The following MACF1 variants were observed in gnomAD, a reference collection of about 807,000 sequenced individuals.
MACF1 encodes microtubule-actin cross-linking factor 1.
A neutral mutation model predicts 854.8 loss-of-function variants in MACF1; 193 were observed. The observed-to-expected ratio is 0.23, with a 90% CI of 0.20 to 0.25. The LOEUF is 0.25. Among genes scored for constraint, MACF1 ranks in the 10% least tolerant of loss-of-function variants. MACF1 has a pLI of 1.00. For missense variants in MACF1, 7,722 were observed against 8,929.1 expected (o/e 0.86, Z 5.45); for synonymous variants, 3,185 against 3,226.7 (o/e 0.99, Z 0.44).
rs59393084 is a variant in MACF1, at chr1:39,461,791, CA to C, written c.21524-65del. Reference sequence around the variant, plus strand: ...TGGGCGACAGAGCAAGACCTTGTCTCAAAAAAAAAAAAAAAAAAAAAAAAAA... The same window carrying C: ...TGGGCGACAGAGCAAGACCTTGTCTCAAAAAAAAAAAAAAAAAAAAAAAAA... On this transcript the variant is annotated intron_variant, in intron 92 of 100. Coordinates refer to ENST00000564288, the MANE Select transcript of MACF1 (RefSeq NM_001394062.1). The C allele has an allele frequency of 0.1, 35,038 of 349,042 alleles. 113 individuals are homozygous for C. The highest frequency in any genetic ancestry group is 0.15 in the African/African-American group (2,997 of 20,016). 21.6% of individuals were successfully genotyped at this position (349,042 alleles called of 1,614,324 possible).
At chr1:39,234,742 T>G in intron 2 of MACF1, among the ~76,000 whole-genome samples, 1 of 130,864 alleles carries the variant, frequency 7.6e-6, no homozygotes, top group African/African-American at 2.8e-5. Context: ...GCTCCTCACT[T>G]CTCAGACGGG....
intron 2 of MACF1, among the ~76,000 whole-genome samples, chr1:39,163,987 T>C (rs1014108126): frequency 1.3e-5 from 2 of 152,350 alleles, no homozygotes; most frequent in South Asian, 4.1e-4. Context: ...TCCATGTGTA[T>C]ATAATGTTGC....
At chr1:39,248,736 CT>C (rs918723052) in intron 2 of MACF1, among the ~76,000 whole-genome samples, 15 of 151,870 alleles carry the variant, frequency 9.9e-5, no homozygotes, top group African/African-American at 3.6e-4. Context: ...TGAACATCAC[CT>C]TTTTTTTCGA....
chr1:39,468,401 A>T (rs958038622), intron 95 of MACF1, among the ~76,000 whole-genome samples: 2 of 152,234 alleles, frequency 1.3e-5, no homozygotes, highest in Non-Finnish European at 2.9e-5. Context: ...CAAAGAAAAA[A>T]GTATATCAAG....
chr1:39,381,785 G>A (rs891783793), intron 55 of MACF1, among the ~76,000 whole-genome samples, 168 bp from the exon 56 acceptor site: 9 of 152,118 alleles, frequency 5.9e-5, no homozygotes, highest in African/African-American at 1.9e-4. Context: ...AGCCATGATC[G>A]TGCCACTGCT....
At chr1:39,298,016 A>G (rs1241123385) in intron 21 of MACF1, among the ~76,000 whole-genome samples, 2 of 152,134 alleles carry the variant, frequency 1.3e-5, no homozygotes, top group Non-Finnish European at 1.5e-5. Flanking sequence ...AGCTCATTGT[A>G]CTTTCTTTGC....
intron 30 of MACF1, among the ~76,000 whole-genome samples, chr1:39,319,044 G>A (rs1348522010): frequency 6.6e-6 from 1 of 150,774 alleles, no homozygotes; most frequent in East Asian, 1.9e-4. Context: ...TTAGCATTAT[G>A]GTTAAGAGTA....
chr1:39,240,584 CG>C (rs1485781334), intron 2 of MACF1, among the ~76,000 whole-genome samples: 4 of 152,170 alleles, frequency 2.6e-5, no homozygotes, highest in African/African-American at 9.7e-5. Flanking sequence ...CTGCAGCCTC[CG>C]CCACCCGGGT....
In MACF1 at chr1:39,285,103, A is replaced by G; in HGVS notation, c.1152A>G (p.Arg384=). The G allele has an allele frequency of 6.2e-7, 1 of 1,614,168 alleles. No homozygotes were observed. The highest frequency in any genetic ancestry group is 1.1e-5 in the South Asian group (1 of 91,076). ...TTCAGGTGTGGATTGAATTTGGCCGAATTAAACTGCCTCAAGGTTATCACC... is the reference window on the plus strand; with the variant it reads ...TTCAGGTGTGGATTGAATTTGGCCGGATTAAACTGCCTCAAGGTTATCACC... The part of the protein sequence containing the change: ...KLLEVWIEFG[R]IKLPQGYHPN... The change falls in exon 12 of 101, where the codon CGA becomes CGG. Residue 384 remains arginine (R), a synonymous_variant. Coordinates refer to ENST00000564288, the MANE Select transcript of MACF1 (RefSeq NM_001394062.1).
At chr1:39,387,119 C>A in intron 57 of MACF1, 68 bp from the exon 58 acceptor site, 1 of 1,539,654 alleles carries the variant, frequency 6.5e-7, no homozygotes, top group South Asian at 1.2e-5. Flanking sequence ...AGACCGTATA[C>A]TCTCAGCAAA....
chr1:39,429,368 AAGACAATTATGT>A, intron 64 of MACF1, 42 bp downstream of exon 64: 1 of 1,124,868 alleles, frequency 8.9e-7, no homozygotes, highest in Non-Finnish European at 1.3e-6. Flanking sequence ...TATGGTCTCA[AAGACAATTATGT>A]ACCCAAGGAA....
intron 2 of MACF1, among the ~76,000 whole-genome samples, chr1:39,138,550 A>G (rs372714168): frequency 9.0e-4 from 136 of 151,008 alleles, no homozygotes; most frequent in African/African-American, 3.3e-3. Context: ...GCGCCACTGC[A>G]CTCCAGCCTA....
At chr1:39,386,676 C>A (rs1162878131) in intron 57 of MACF1, among the ~76,000 whole-genome samples, 1 of 152,150 alleles carries the variant, frequency 6.6e-6, no homozygotes, top group East Asian at 1.9e-4. Flanking sequence ...GTGATCTGCC[C>A]GCCTTGGCCT....
chr1:39,230,605 A>G (rs1383490970), intron 1 of MACF1, among the ~76,000 whole-genome samples: 1 of 150,456 alleles, frequency 6.6e-6, no homozygotes, highest in African/African-American at 2.4e-5. Context: ...AAACCTGGAG[A>G]AAAAAGGAGT....
intron 2 of MACF1, among the ~76,000 whole-genome samples, chr1:39,094,060 G>A (rs1270805890): frequency 6.6e-6 from 1 of 152,126 alleles, no homozygotes; most frequent in Non-Finnish European, 1.5e-5. Context: ...TTACAGGCGT[G>A]AGCCACGGTG....
At chr1:39,347,293 C>A in intron 41 of MACF1, 83 bp downstream of exon 41, 1 of 1,041,680 alleles carries the variant, frequency 9.6e-7, no homozygotes, top group Non-Finnish European at 1.5e-6. Context: ...CTCTGTGTAT[C>A]ATGATTGCAG....
chr1:39,464,928 T>A, intron 94 of MACF1, 167 bp from the exon 95 acceptor site: 3 of 626,788 alleles, frequency 4.8e-6, no homozygotes, highest in East Asian at 2.9e-5. Flanking sequence ...AAAAAAAAAT[T>A]AAAACCACAT....
chr1:39,445,306 C>T (rs1313703630), intron 80 of MACF1, among the ~76,000 whole-genome samples: 1 of 152,218 alleles, frequency 6.6e-6, no homozygotes, highest in Non-Finnish European at 1.5e-5. Context: ...AAATTCTCTT[C>T]TCTACAAAAT....
At chr1:39,365,013 A>G (rs1013292882) in intron 49 of MACF1, among the ~76,000 whole-genome samples, 1 of 152,020 alleles carries the variant, frequency 6.6e-6, no homozygotes, top group Non-Finnish European at 1.5e-5. Context: ...TGTTATGTCT[A>G]TCTAGTTGTT....
Sources: allele counts gnomAD v4.1 joint callset (sites outside exome capture counted in the v4.1 genomes callset), GRCh38; gene constraint gnomAD v4.1.1; transcripts MANE v1.5; gene names NCBI Gene and HGNC (gene_info 2026-07-23, HGNC 2026-07-21).